TNRC6A: variants seen among roughly 807,000 people sequenced by gnomAD.
The protein encoded by TNRC6A is trinucleotide repeat containing adaptor 6A.
A neutral mutation model predicts 221.2 loss-of-function variants in TNRC6A; 44 were observed. That is an observed-to-expected ratio of 0.20 (90% confidence interval 0.16 to 0.26). The LOEUF (loss-of-function observed/expected upper bound fraction) is 0.26. Ranked by LOEUF, TNRC6A falls within the 10% of genes least tolerant of loss-of-function variation. The pLI is 1.00. For missense variants in TNRC6A, 2,199 were observed against 2,404.4 expected (o/e 0.91, Z 1.79); for synonymous variants, 847 against 838.5 (o/e 1.01, Z -0.18).
rs148386662 is a variant in TNRC6A, at chr16:24,759,416, A to G, written c.163+1056A>G. 3.2e-4 allele frequency among the ~76,000 whole-genome samples: 48 copies of G among 152,350 alleles called. No homozygotes were observed. The East Asian group carries it at 7.5e-3, about 24-fold the overall frequency. On this transcript the variant is annotated intron_variant, in intron 4 of 24. Coordinates refer to ENST00000395799, the MANE Select transcript of TNRC6A (RefSeq NM_014494.4). ...ACGTTGTTTTCCATTTTTTAAAGCT[A>G]TCAACTACTGTACATGGAAAGTATT...
chr16:24,685,352 A>C (rs573191401), intron 2 of TNRC6A, among the ~76,000 whole-genome samples: 1 of 152,060 alleles, frequency 6.6e-6, no homozygotes, highest in Non-Finnish European at 1.5e-5. Flanking sequence ...CAGAAAGGGG[A>C]GAGACAAGAC....
rs1410574656 is a variant in TNRC6A at position 24,687,870 on chromosome 16, A to AGAAGAAGAAGAAGAG, written n.402+46874_402+46875insAGGAAGAAGAAGAAG. Among the ~76,000 whole-genome samples, 3 of 150,674 alleles carry AGAAGAAGAAGAAGAG rather than the reference A, an allele frequency of 2.0e-5. 1 individual carries two copies. The highest frequency in any genetic ancestry group is 4.4e-5 in the Non-Finnish European group (3 of 67,632). ...AAGAAGAAGAAGAAGAAGAAGAAGA[A>AGAAGAAGAAGAAGAG]GAAGAAGAAGAAGCAGCTTATTCCA... On this transcript the variant is annotated intron_variant and non_coding_transcript_variant, in intron 2 of 2. Coordinates refer to the TNRC6A transcript ENST00000566108.
At chr16:24,771,486 C>A (rs942865557) in intron 4 of TNRC6A, among the ~76,000 whole-genome samples, 2 of 139,530 alleles carry the variant, frequency 1.4e-5, no homozygotes, top group African/African-American at 2.7e-5. Flanking sequence ...CATCCACACA[C>A]GCCCCCTGTA....
chr16:24,681,684 G>A (rs563591615), intron 2 of TNRC6A, among the ~76,000 whole-genome samples: 10 of 152,044 alleles, frequency 6.6e-5, no homozygotes, highest in Non-Finnish European at 1.2e-4. Context: ...ATGAAAACAG[G>A]GCTTTTTCAG....
In TNRC6A at chr16:24,711,979, G is replaced by C. The variant is rs374406342; in HGVS notation, n.403-38747G>C. Among the ~76,000 whole-genome samples the C allele has an allele frequency of 4.6e-5, 7 of 151,894 alleles. No individual in the cohort carries two copies. In the South Asian group the frequency reaches 1.5e-3, roughly 32 times the overall value. On this transcript the variant is annotated intron_variant and non_coding_transcript_variant, in intron 2 of 2. Coordinates refer to the TNRC6A transcript ENST00000566108. Reference sequence around the variant, plus strand: ...CCTGGCTTCTTTCTTAATATTTTTAGTTCAGTAATTTTTATGATTCAATTT... The same window carrying C: ...CCTGGCTTCTTTCTTAATATTTTTACTTCAGTAATTTTTATGATTCAATTT...
intron 5 of TNRC6A, among the ~76,000 whole-genome samples, chr16:24,780,089 A>G (rs1280110242): frequency 2.0e-5 from 3 of 152,178 alleles, no homozygotes; most frequent in African/African-American, 7.2e-5. Context: ...GGGGATGACT[A>G]GGCTCAACAG....
intron 1 of TNRC6A, among the ~76,000 whole-genome samples, chr16:24,632,957 C>A (rs1041345209): frequency 6.1e-5 from 9 of 148,440 alleles, no homozygotes; most frequent in Admixed American, 3.4e-4. Flanking sequence ...TGCAGTGAGT[C>A]GAGATTGCGC....
chr16:24,816,567 C>A, intron 19 of TNRC6A: 1 of 429,798 alleles, frequency 2.3e-6, no homozygotes, highest in South Asian at 3.2e-5. Context: ...GTATATGTTA[C>A]GTGTGTGTGT....
chr16:24,755,141 A>G (rs745328369), intron 3 of TNRC6A, among the ~76,000 whole-genome samples: 13 of 152,130 alleles, frequency 8.5e-5, no homozygotes, highest in Non-Finnish European at 1.2e-4. Context: ...ATTTTATTCA[A>G]CAGATCTGGA....
At chr16:24,721,811 A>T (rs1359837162) in intron 2 of TNRC6A, among the ~76,000 whole-genome samples, 1 of 152,234 alleles carries the variant, frequency 6.6e-6, no homozygotes, top group Non-Finnish European at 1.5e-5. Context: ...AATACTTGGC[A>T]GCAATAAAAA....
chr16:24,790,534 A>T lies in TNRC6A; in HGVS notation c.1892A>T (p.Asn631Ile). 6.2e-7 allele frequency: 1 copy of T among 1,614,244 alleles called. No homozygotes were observed. The highest frequency in any genetic ancestry group is 1.1e-5 in the South Asian group (1 of 91,088). The change falls in exon 6 of 25, where the codon AAT (asparagine) becomes ATT (isoleucine). Residue 631 changes from asparagine to isoleucine, a missense_variant. Physicochemically the swap from Asn to Ile is moderately radical, Grantham distance 149. Transcript: ENST00000395799. Reference sequence around the variant, plus strand: ...AATCAGCATTCCAATGATAGTGCAAATGGCAATGGTAAGACGTTTACAAAT... The same window carrying T: ...AATCAGCATTCCAATGATAGTGCAATTGGCAATGGTAAGACGTTTACAAAT... ...PSNQHSNDSA[N>I]GNGKTFTNGW...
intron 2 of TNRC6A, among the ~76,000 whole-genome samples, chr16:24,695,813 T>C (rs2055847083): frequency 1.3e-5 from 2 of 152,072 alleles, no homozygotes; most frequent in South Asian, 4.2e-4. Context: ...GCCCTGGTGG[T>C]TAATTTGGCC....
At chr16:24,761,280 CT>C (rs1819386886) in intron 4 of TNRC6A, among the ~76,000 whole-genome samples, 1 of 152,160 alleles carries the variant, frequency 6.6e-6, no homozygotes, top group African/African-American at 2.4e-5. Context: ...GTGACTTCAA[CT>C]TTGAAAAACT....
At chr16:24,676,628 AT>A (rs2055425359) in intron 2 of TNRC6A, among the ~76,000 whole-genome samples, 1 of 151,804 alleles carries the variant, frequency 6.6e-6, no homozygotes, top group South Asian at 2.1e-4. Flanking sequence ...CTAATTTTTT[AT>A]TTTTTGTAGA....
At chr16:24,731,297 T>A (rs935416820) in intron 2 of TNRC6A, among the ~76,000 whole-genome samples, 1 of 152,190 alleles carries the variant, frequency 6.6e-6, no homozygotes, top group African/African-American at 2.4e-5. Context: ...TAGGTTTACA[T>A]TGGGGTTTTT....
chr16:24,779,343 A>G (rs775763881), intron 5 of TNRC6A, among the ~76,000 whole-genome samples: 10 of 152,236 alleles, frequency 6.6e-5, no homozygotes, highest in Admixed American at 1.3e-4. Context: ...GATGAAGCCA[A>G]GGCATTCCAA....
intron 3 of TNRC6A, among the ~76,000 whole-genome samples, chr16:24,752,746 G>A (rs1299275364): frequency 6.6e-6 from 1 of 152,158 alleles, no homozygotes; most frequent in Non-Finnish European, 1.5e-5. Flanking sequence ...TATTGAAAAG[G>A]ATGGTTGGAT....
At chr16:24,657,244 G>A (rs1596608911) in intron 2 of TNRC6A, among the ~76,000 whole-genome samples, 2 of 150,024 alleles carry the variant, frequency 1.3e-5, no homozygotes, top group Non-Finnish European at 3.0e-5. Flanking sequence ...ATTGAGCCTG[G>A]GAGGTCAAGG....
chr16:24,654,399 T>C (rs1902838010), intron 2 of TNRC6A, among the ~76,000 whole-genome samples: 1 of 152,168 alleles, frequency 6.6e-6, no homozygotes. Context: ...TTTTTAGTAA[T>C]AGTCCCTATA....
Sources: gnomAD v4.1 joint callset for allele counts (sites outside exome capture counted in the v4.1 genomes callset) on GRCh38, gnomAD v4.1.1 for gene constraint, MANE v1.5 for transcripts, NCBI Gene and HGNC (gene_info 2026-07-23, HGNC 2026-07-21) for gene names.